FAM20A: variants seen among roughly 807,000 people sequenced by gnomAD.
FAM20A encodes the protein FAM20A golgi associated secretory pathway pseudokinase.
A neutral mutation model predicts 52.0 loss-of-function variants in FAM20A; 42 were observed. The observed-to-expected ratio is 0.81, with a 90% CI of 0.63 to 1.04. The LOEUF is 1.04. Among genes scored for constraint, FAM20A ranks in the 50% least tolerant of loss-of-function variants. The pLI, the probability that FAM20A is intolerant of heterozygous loss-of-function variation, is 0.00. For synonymous variants in FAM20A, 304 were observed against 298.9 expected (o/e 1.02, Z -0.18); for missense variants, 742 against 712.7 (o/e 1.04, Z -0.47).
intron 1 of FAM20A, among the ~76,000 whole-genome samples, chr17:68,576,552 C>T (rs570997858): frequency 6.6e-6 from 1 of 152,342 alleles, no homozygotes; most frequent in East Asian, 1.9e-4. Context: ...AGCCTCCTCC[C>T]CAGGGAGAGA....
chr17:68,593,314 G>A (rs770933825), intron 1 of FAM20A, among the ~76,000 whole-genome samples: 5 of 152,232 alleles, frequency 3.3e-5, no homozygotes, highest in Non-Finnish European at 5.9e-5. Context: ...CAAGGGGGCA[G>A]AGCAGGGATA....
intron 1 of FAM20A, among the ~76,000 whole-genome samples, chr17:68,589,000 T>G (rs1053992099): frequency 3.3e-5 from 5 of 152,210 alleles, no homozygotes; most frequent in Admixed American, 2.0e-4. Flanking sequence ...TGTAGACCAC[T>G]TTCTCTTCAA....
At position 68,543,601 on chromosome 17, in the gene FAM20A, A is replaced by G. The variant is rs776757736; in HGVS notation, c.812+28T>C. Reference sequence around the variant, plus strand: ...CCCAGAGGATTGGTCCTTATAGGCAATGCCATCTCCATGGGGCCAGACCCT... The same window carrying G: ...CCCAGAGGATTGGTCCTTATAGGCAGTGCCATCTCCATGGGGCCAGACCCT... On this transcript the variant is annotated intron_variant, in intron 5 of 10. Coordinates refer to ENST00000592554, the MANE Select transcript of FAM20A (RefSeq NM_017565.4). 5 of 1,604,310 alleles carry G rather than the reference A, an allele frequency of 3.1e-6. No homozygotes were observed. The Admixed American group carries it at 6.7e-5, about 21-fold the overall frequency.
intron 1 of FAM20A, among the ~76,000 whole-genome samples, chr17:68,562,363 G>T: frequency 6.6e-6 from 1 of 152,288 alleles, no homozygotes; most frequent in South Asian, 2.1e-4. Flanking sequence ...TGTAGAGTGG[G>T]TCTTTTTCTT....
intron 7 of FAM20A, 37 bp downstream of exon 7, chr17:68,541,948 T>A: frequency 6.3e-7 from 1 of 1,599,648 alleles, no homozygotes; most frequent in Non-Finnish European, 8.5e-7. Context: ...GTGGCTACTG[T>A]CAAGGACTGG....
In FAM20A at chr17:68,551,724, T is replaced by TATTATTATTA. The variant is rs34614921; in HGVS notation, c.719+148_719+149insTAATAATAAT. The TATTATTATTA allele has an allele frequency of 4.8e-3, 1,410 of 293,738 alleles. 20 individuals are homozygous for TATTATTATTA. Among genetic ancestry groups the TATTATTATTA allele is most frequent in the African/African-American group, 0.035 (1,320 of 37,720 alleles). 18.2% of individuals were successfully genotyped at this position (293,738 alleles called of 1,614,324 possible). A position where few individuals can be genotyped will look rare whatever the true frequency, so the allele number is the denominator to read the frequency against. On this transcript the variant is annotated intron_variant, in intron 4 of 10. Coordinates refer to ENST00000592554, the MANE Select transcript of FAM20A (RefSeq NM_017565.4). ...TTATTATTATTATTATTATTATTAT[T>TATTATTATTA]ATCACCCCAAACAGTTCTGTGCTTG...
At position 68,600,442 on chromosome 17, in the gene FAM20A, C is replaced by A. The variant is rs764564897; in HGVS notation, c.225G>T (p.Glu75Asp). The A allele has an allele frequency of 5.6e-6, 9 of 1,611,114 alleles. No individual in the cohort carries two copies. Among genetic ancestry groups the A allele is most frequent in the Admixed American group, 3.3e-5 (2 of 59,822 alleles). ...TGCCGCCAGCCGGTTCAGTCCGGGG[C>A]TCGGTTCGGGAAAAGTTGTGCACGA... ...GTIVHNFSRT[E>D]PRTEPAGGSH... Residue 75 changes from glutamate to aspartate, a missense_variant, in exon 1 of 11, where the codon GAG becomes GAT. Transcript: ENST00000592554. This position sits in a 1 kb window ranked among gnomAD's most constrained non-coding sequence, Gnocchi z 6.2.
chr17:68,570,131 A>G (rs2087499324), intron 1 of FAM20A, among the ~76,000 whole-genome samples: 1 of 152,210 alleles, frequency 6.6e-6, no homozygotes. Context: ...GCTGGAGTGC[A>G]GTGGCATGAT....
At chr17:68,593,151 C>G (rs968818010) in intron 1 of FAM20A, among the ~76,000 whole-genome samples, 6 of 152,222 alleles carry the variant, frequency 3.9e-5, no homozygotes, top group African/African-American at 1.4e-4. Flanking sequence ...GAACTTATGT[C>G]TAGTAACTTC....
chr17:68,590,510 A>G (rs983004425), intron 1 of FAM20A, among the ~76,000 whole-genome samples: 11 of 152,350 alleles, frequency 7.2e-5, no homozygotes, highest in African/African-American at 2.6e-4. Flanking sequence ...GGTCCCCATC[A>G]GTTTCTTTTT....
At chr17:68,561,786 T>TAACTTCCC (rs1387471195) in intron 1 of FAM20A, among the ~76,000 whole-genome samples, 1 of 152,054 alleles carries the variant, frequency 6.6e-6, no homozygotes, top group African/African-American at 2.4e-5. Context: ...TTCTAGAGGG[T>TAACTTCCC]AACTTCCCAG....
intron 1 of FAM20A, among the ~76,000 whole-genome samples, chr17:68,583,729 C>T (rs925801841): frequency 1.3e-5 from 2 of 152,090 alleles, no homozygotes; most frequent in African/African-American, 4.8e-5. Flanking sequence ...CAGTGAAACC[C>T]TGTCTCTACT....
intron 1 of FAM20A, chr17:68,591,980 T>A (rs1306467852): frequency 6.6e-6 from 1 of 152,228 alleles, no homozygotes; most frequent in African/African-American, 2.4e-5. Context: ...AGAGCCCAGT[T>A]TTAGCTGAAC....
chr17:68,557,159 C>T (rs1415610158), intron 1 of FAM20A, among the ~76,000 whole-genome samples: 1 of 151,686 alleles, frequency 6.6e-6, no homozygotes, highest in Admixed American at 6.6e-5. Flanking sequence ...GAGATCACGC[C>T]ACTGCACTCC....
intron 4 of FAM20A, among the ~76,000 whole-genome samples, chr17:68,546,606 G>A (rs184455765): frequency 1.4e-4 from 22 of 152,104 alleles, no homozygotes; most frequent in East Asian, 1.4e-3. Flanking sequence ...CGAGGCGGGC[G>A]GATCACGAGG....
chr17:68,599,211 C>T (rs1231785315), intron 1 of FAM20A, among the ~76,000 whole-genome samples: 2 of 152,106 alleles, frequency 1.3e-5, no homozygotes, highest in Non-Finnish European at 2.9e-5. Context: ...ATGGTCTGCT[C>T]ATCCTCTGGA....
At chr17:68,544,158 T>G (rs920731115) in intron 4 of FAM20A, among the ~76,000 whole-genome samples, 1 of 152,032 alleles carries the variant, frequency 6.6e-6, no homozygotes, top group African/African-American at 2.4e-5. Flanking sequence ...AATGGAAAAG[T>G]GGCCCAGAAA....
Position 68,536,325 on chromosome 17 carries a change from T to G in FAM20A, c.*1152A>C, listed in dbSNP as rs1359984136. The stretch of plus-strand genomic sequence containing the variant: ...GGCATTTTTACTTTTGTTGACTGAC[T>G]AGTCACTCCATGGAATGAAGACCTT... On this transcript the variant is annotated 3_prime_UTR_variant, in exon 11 of 11. Coordinates refer to ENST00000592554, the MANE Select transcript of FAM20A (RefSeq NM_017565.4). 2.2e-6 allele frequency: 1 copy of G among 454,088 alleles called. No individual in the cohort carries two copies. The highest frequency in any genetic ancestry group is 2.3e-5 in the Admixed American group (1 of 42,570). 28.1% of individuals were successfully genotyped at this position (454,088 alleles called of 1,614,324 possible). A position where few individuals can be genotyped will look rare whatever the true frequency, so the allele number is the denominator to read the frequency against.
At chr17:68,539,803 C>T (rs988354814) in intron 9 of FAM20A, 82 bp downstream of exon 9, 19 of 1,332,410 alleles carry the variant, frequency 1.4e-5, no homozygotes, top group Admixed American at 3.6e-5. Context: ...ATTTGCAGGG[C>T]GTCTGTTTCC....
Sources: gnomAD v4.1 joint callset for allele counts (sites outside exome capture counted in the v4.1 genomes callset) on GRCh38, gnomAD v4.1.1 for gene constraint, Gnocchi (gnomAD v3.1) non-coding constraint, MANE v1.5 for transcripts, NCBI Gene and HGNC (gene_info 2026-07-23, HGNC 2026-07-21) for gene names.